The following PRKAR1B variants were observed in gnomAD, a reference collection of about 807,000 sequenced individuals.
PRKAR1B encodes cAMP-dependent protein kinase type I-beta regulatory subunit.
A neutral mutation model predicts 46.5 loss-of-function variants in PRKAR1B; 22 were observed. The observed-to-expected ratio is 0.47, with a 90% confidence interval of 0.34 to 0.68. The LOEUF is 0.68. Among genes scored for constraint, PRKAR1B ranks in the 30% least tolerant of loss-of-function variants. The probability of loss-of-function intolerance (pLI) is 0.01; values close to 1 mark genes in which losing one functional copy is unlikely to be tolerated. For synonymous variants in PRKAR1B, 259 were observed against 217.7 expected (o/e 1.19, Z -1.67); for missense variants, 445 against 535.6 (o/e 0.83, Z 1.67).
intron 4 of PRKAR1B, among the ~76,000 whole-genome samples, chr7:633,003 G>A (rs914029349): frequency 6.6e-6 from 1 of 152,250 alleles, no homozygotes; most frequent in Admixed American, 6.5e-5. Context: ...GGGAAGCCAG[G>A]CGCGCGGGTC....
rs572838044 is a variant in PRKAR1B, at chr7:711,096, C to T, written c.177+233G>A. On this transcript the variant is annotated intron_variant, in intron 2 of 10. Coordinates refer to ENST00000537384, the MANE Select transcript of PRKAR1B (RefSeq NM_001164760.2). ...CCCCCTGGAAGCCGAAGGGGGAATT[C>T]TGTGGCTCAGAGGACCCCACCTAGA... is the stretch of plus-strand genomic sequence containing the variant. 1.2e-4 allele frequency among the ~76,000 whole-genome samples: 19 copies of T among 152,334 alleles called. No homozygotes were observed. In the South Asian group the frequency reaches 3.9e-3, roughly 32 times the overall value.
intron 1 of PRKAR1B, among the ~76,000 whole-genome samples, chr7:723,764 G>GC (rs1317538654): frequency 6.6e-6 from 1 of 152,164 alleles, no homozygotes; most frequent in African/African-American, 2.4e-5. Flanking sequence ...CCATGGCCTG[G>GC]CCCCACCCAT....
At chr7:643,034 A>G (rs1237517232) in intron 4 of PRKAR1B, among the ~76,000 whole-genome samples, 2 of 151,576 alleles carry the variant, frequency 1.3e-5, no homozygotes, top group African/African-American at 2.4e-5. Flanking sequence ...AATTCTGTGT[A>G]CGGCAGAGCC....
At position 602,401 on chromosome 7, in the gene PRKAR1B, C is replaced by G. The variant is rs983607477; in HGVS notation, c.549+3792G>C. 6.6e-6 allele frequency among the ~76,000 whole-genome samples: 1 copy of G among 152,088 alleles called. No individual in the cohort carries two copies. The highest frequency in any genetic ancestry group is 2.1e-4 in the South Asian group (1 of 4,820). On this transcript the variant is annotated intron_variant, in intron 6 of 10. Transcript: ENST00000537384. The surrounding 1 kb of genome is among the most constrained non-coding windows in gnomAD (Gnocchi z 6.4). ...AGGATGAGGAGGAGGAGGAGGAGGTCCCGCCAAGGTCAGCCGGGGCAGCAA... is the reference window on the plus strand; with the variant it reads ...AGGATGAGGAGGAGGAGGAGGAGGTGCCGCCAAGGTCAGCCGGGGCAGCAA...
At chr7:676,611 A>G (rs1778321187) in intron 4 of PRKAR1B, among the ~76,000 whole-genome samples, 1 of 152,174 alleles carries the variant, frequency 6.6e-6, no homozygotes, top group South Asian at 2.1e-4. Flanking sequence ...CAGAGCAGGG[A>G]CTCAGCTCGG....
intron 7 of PRKAR1B, among the ~76,000 whole-genome samples, chr7:589,953 G>A (rs1284751365): frequency 6.6e-6 from 1 of 152,246 alleles, no homozygotes; most frequent in East Asian, 1.9e-4. Context: ...CCCTGTGAGG[G>A]TCAGGCAGCT....
chr7:672,452 T>G (rs1428071076), intron 4 of PRKAR1B, among the ~76,000 whole-genome samples: 1 of 152,012 alleles, frequency 6.6e-6, no homozygotes, highest in African/African-American at 2.4e-5. Flanking sequence ...GCACCCGGCC[T>G]TGTTGAACCA....
intron 10 of PRKAR1B, among the ~76,000 whole-genome samples, chr7:550,840 T>A (rs140975701): frequency 6.6e-6 from 1 of 152,264 alleles, no homozygotes; most frequent in African/African-American, 2.4e-5. Context: ...GTCCTGCACT[T>A]TTTTGGGCAA....
intron 6 of PRKAR1B, among the ~76,000 whole-genome samples, chr7:600,956 T>G (rs1235322153): frequency 6.6e-6 from 1 of 152,234 alleles, no homozygotes. Context: ...TTTCGGAGTC[T>G]CTGGAAAACC....
In PRKAR1B at chr7:644,386, C is replaced by G. The variant is rs956900542; in HGVS notation, c.440+32843G>C. On this transcript the variant is annotated intron_variant, in intron 4 of 10. Coordinates refer to ENST00000537384, the MANE Select transcript of PRKAR1B (RefSeq NM_001164760.2). This position sits in a 1 kb window ranked among gnomAD's most constrained non-coding sequence, Gnocchi z 4.9. ...GAAACTGAGGCGCGCACATTCGGAA[C>G]GGGGTTTTGCTCCTCCTTGGGTGTG... Among the ~76,000 whole-genome samples the G allele has an allele frequency of 6.6e-6, 1 of 152,280 alleles. No homozygotes were observed. The highest frequency in any genetic ancestry group is 1.9e-4 in the East Asian group (1 of 5,166).
chr7:726,610 G>A (rs890556755), intron 1 of PRKAR1B: 7 of 845,002 alleles, frequency 8.3e-6, no homozygotes, highest in South Asian at 6.0e-5. Flanking sequence ...GCACCGGCGG[G>A]GAGGAAGTAG....
At chr7:594,962 G>A (rs985459314) in intron 7 of PRKAR1B, among the ~76,000 whole-genome samples, 16 of 152,216 alleles carry the variant, frequency 1.1e-4, no homozygotes, top group Admixed American at 2.0e-4. Context: ...ATGAATGGCC[G>A]CACGGGGTGC....
At chr7:711,702 C>T (rs1014466004) in intron 1 of PRKAR1B, among the ~76,000 whole-genome samples, 175 bp from the exon 2 acceptor site, 2 of 151,372 alleles carry the variant, frequency 1.3e-5, no homozygotes, top group Non-Finnish European at 2.9e-5. Context: ...AACGTGACGG[C>T]CCCCAGAGCC....
chr7:726,825 G>A lies in PRKAR1B; in HGVS notation c.-23+385C>T, dbSNP rs1262357841. ...TGAGCCGCGCCCTGAGCCGCCTGCTGCCGGGGCTGGAGGCCGACAGCAAGC... is the reference window on the plus strand; with the variant it reads ...TGAGCCGCGCCCTGAGCCGCCTGCTACCGGGGCTGGAGGCCGACAGCAAGC... On this transcript the variant is annotated intron_variant, in intron 1 of 10. Transcript: ENST00000537384. 9.0e-6 allele frequency: 12 copies of A among 1,327,404 alleles called. No individual in the cohort carries two copies. Among genetic ancestry groups the A allele is most frequent in the Middle Eastern group, 2.8e-4 (1 of 3,550 alleles). The allele number at this position is 1,327,404 out of a possible 1,614,324, so 82.2% of individuals were successfully genotyped here. A position where few individuals can be genotyped will look rare whatever the true frequency, so the allele number is the denominator to read the frequency against.
At chr7:592,334 A>C (rs1419129304) in intron 7 of PRKAR1B, among the ~76,000 whole-genome samples, 2 of 152,224 alleles carry the variant, frequency 1.3e-5, no homozygotes, top group African/African-American at 4.8e-5. Context: ...GCTACAAGTG[A>C]CAAACTGCTT....
chr7:552,903 C>T (rs1480998750), intron 9 of PRKAR1B, among the ~76,000 whole-genome samples: 3 of 152,258 alleles, frequency 2.0e-5, no homozygotes, highest in South Asian at 2.1e-4. Flanking sequence ...TGACCCCCGA[C>T]ACGGGGAAGT....
chr7:568,034 G>A (rs908511575), intron 9 of PRKAR1B, among the ~76,000 whole-genome samples: 7 of 152,262 alleles, frequency 4.6e-5, no homozygotes, highest in African/African-American at 1.7e-4. Flanking sequence ...TAAATTTCAC[G>A]TTATCTGTAT....
chr7:693,597 T>C (rs115351957), intron 2 of PRKAR1B, among the ~76,000 whole-genome samples: 5,095 of 152,264 alleles, frequency 0.033, 317 homozygotes, highest in African/African-American at 0.12. Context: ...CTCCTTTCTG[T>C]GGCTGAGGGA....
intron 4 of PRKAR1B, among the ~76,000 whole-genome samples, chr7:660,099 T>C (rs1583373077): frequency 6.6e-6 from 1 of 151,912 alleles, no homozygotes; most frequent in African/African-American, 2.4e-5. Context: ...TCGGAGTCAG[T>C]GGGGAAGCGA....
Sources: allele counts gnomAD v4.1 joint callset (sites outside exome capture counted in the v4.1 genomes callset), GRCh38; gene constraint gnomAD v4.1.1; non-coding constraint Gnocchi (gnomAD v3.1); transcripts MANE v1.5; gene names NCBI Gene and HGNC (gene_info 2026-07-23, HGNC 2026-07-21).